HYDIN: variants seen among roughly 807,000 people sequenced by gnomAD.
HYDIN encodes the protein axonemal central pair apparatus protein HYDIN.
Under a neutral mutation model 403.9 loss-of-function variants are expected in HYDIN, and 132 were observed. That is an observed-to-expected ratio of 0.33 (90% CI 0.28 to 0.38). The LOEUF (loss-of-function observed/expected upper bound fraction) is 0.38. Among genes scored for constraint, HYDIN ranks in the 10% least tolerant of loss-of-function variants. HYDIN has a pLI of 1.00. For missense variants in HYDIN, 2,827 were observed against 5,009.5 expected (o/e 0.56, Z 13.15); for synonymous variants, 1,202 against 1,891.7 (o/e 0.64, Z 9.46).
At chr16:71,127,090 A>C (rs1007186284) in intron 9 of HYDIN, among the ~76,000 whole-genome samples, 3 of 152,172 alleles carry the variant, frequency 2.0e-5, no homozygotes, top group Non-Finnish European at 4.4e-5. Context: ...ATTTAACATA[A>C]ATAAAGAATT....
At position 70,882,789 on chromosome 16, in the gene HYDIN, G is replaced by C. The variant is rs201106783; in HGVS notation, c.10086C>G (p.Val3362=). 58 of 1,495,822 alleles carry C rather than the reference G, an allele frequency of 3.9e-5. No individual in the cohort carries two copies. The East Asian group carries it at 9.5e-4, about 24-fold the overall frequency. The allele number at this position is 1,495,822 out of a possible 1,614,324, so 92.7% of individuals were successfully genotyped here. The part of the protein sequence containing the change: ...LQTIESGGLF[V]EDENKFIFCN... Reference sequence around the variant, plus strand: ...AGAAGATGAACTTGTTCTCATCCTCGACGAACAGCCCCCCGCTCTCTATGG... The same window carrying C: ...AGAAGATGAACTTGTTCTCATCCTCCACGAACAGCCCCCCGCTCTCTATGG... The change falls in exon 60 of 86, where the codon GTC becomes GTG. Residue 3362 remains valine (V), a synonymous_variant. Coordinates refer to ENST00000393567, the MANE Select transcript of HYDIN (RefSeq NM_001270974.2).
intron 18 of HYDIN, among the ~76,000 whole-genome samples, chr16:71,040,349 G>A (rs1411539718): frequency 1.6e-4 from 24 of 147,392 alleles, no homozygotes. Flanking sequence ...ATCTTTCAGT[G>A]ATCTGATCCT....
intron 20 of HYDIN, among the ~76,000 whole-genome samples, chr16:71,025,737 A>G (rs2080668450): frequency 7.3e-6 from 1 of 136,614 alleles, no homozygotes; most frequent in South Asian, 2.5e-4. Flanking sequence ...TGGATTCTGT[A>G]TTTATTTCTG....
At chr16:70,991,622 C>T (rs182119703) in intron 24 of HYDIN, among the ~76,000 whole-genome samples, 47 of 151,392 alleles carry the variant, frequency 3.1e-4, no homozygotes, top group Admixed American at 9.9e-4. Flanking sequence ...CAATTTTTCA[C>T]GGGGCTCAAC....
intron 12 of HYDIN, among the ~76,000 whole-genome samples, chr16:71,086,615 G>C (rs1162383674): frequency 6.6e-6 from 1 of 152,066 alleles, no homozygotes; most frequent in Non-Finnish European, 1.5e-5. Flanking sequence ...TTTTAGAGCA[G>C]AGCTTAAAGG....
At chr16:71,151,628 C>T (rs576377383) in intron 7 of HYDIN, among the ~76,000 whole-genome samples, 3 of 151,798 alleles carry the variant, frequency 2.0e-5, no homozygotes, top group Admixed American at 6.6e-5. Context: ...ACTCTTTCCC[C>T]GGCTGTGCGC....
Position 70,978,964 on chromosome 16 carries a change from C to T in HYDIN, c.4588G>A (p.Asp1530Asn), listed in dbSNP as rs79049769. ...TCCTCAGTTATTATGTCAAAGTGATCGAGCATTTCACATTTGTTATACTCT... is the reference window on the plus strand; with the variant it reads ...TCCTCAGTTATTATGTCAAAGTGATTGAGCATTTCACATTTGTTATACTCT... ...DKEYNKCEML[D>N]HFDIITEEVP... is the part of the protein sequence containing the mutation. Residue 1530 changes from aspartate (D) to asparagine (N), a missense_variant, in exon 30 of 86, where the codon GAT becomes AAT. Physicochemically the swap from Asp to Asn is conservative, Grantham distance 23. Coordinates refer to ENST00000393567, the MANE Select transcript of HYDIN (RefSeq NM_001270974.2). 12 of 1,613,948 alleles carry T rather than the reference C, an allele frequency of 7.4e-6. No homozygotes were observed. The highest frequency in any genetic ancestry group is 5.0e-5 in the Admixed American group (3 of 60,012).
chr16:70,920,586 C>T lies in HYDIN; in HGVS notation c.7785+5G>A. The stretch of plus-strand genomic sequence containing the variant: ...GACTTCCCCACCCTGGAGGAGAGTC[C>T]ATACCTGCTCTCCTTTGGGAAGCTT... On this transcript the variant is annotated splice_donor_5th_base_variant and intron_variant, in intron 46 of 85. Coordinates refer to ENST00000393567, the MANE Select transcript of HYDIN (RefSeq NM_001270974.2). 2 of 1,603,720 alleles carry T rather than the reference C, an allele frequency of 1.2e-6. No homozygotes were observed. Among genetic ancestry groups the T allele is most frequent in the Non-Finnish European group, 1.7e-6 (2 of 1,172,854 alleles).
At chr16:70,946,107 G>C (rs2077851678) in intron 41 of HYDIN, among the ~76,000 whole-genome samples, 1 of 146,344 alleles carries the variant, frequency 6.8e-6, no homozygotes, top group South Asian at 2.3e-4. Context: ...CAGGAATTTA[G>C]CCATTGGATA....
At chr16:71,022,023 C>T (rs2080513941) in intron 21 of HYDIN, among the ~76,000 whole-genome samples, 1 of 151,592 alleles carries the variant, frequency 6.6e-6, no homozygotes. Flanking sequence ...GTTTCCCTCC[C>T]TCTAATATGG....
At chr16:70,951,668 T>C (rs2078079461) in intron 41 of HYDIN, among the ~76,000 whole-genome samples, 1 of 152,000 alleles carries the variant, frequency 6.6e-6, no homozygotes, top group Admixed American at 6.6e-5. Flanking sequence ...CATTCCCTCT[T>C]GAGTGGATCG....
At position 70,860,707 on chromosome 16, in the gene HYDIN, A is replaced by G. The variant is rs1474233931; in HGVS notation, c.11972T>C (p.Ile3991Thr). The change falls in exon 70 of 86, where the codon ATA becomes ACA. Residue 3991 changes from isoleucine (I) to threonine (T), a missense_variant. Physicochemically the swap from Ile to Thr is moderately conservative, Grantham distance 89. Coordinates refer to ENST00000393567, the MANE Select transcript of HYDIN (RefSeq NM_001270974.2). ...AACTCACCGGAGATTCTTCCCTCCTATGCCCACAGTGGTGAACTCAATCAC... is the reference window on the plus strand; with the variant it reads ...AACTCACCGGAGATTCTTCCCTCCTGTGCCCACAGTGGTGAACTCAATCAC... Reference protein sequence around the residue: ...TRVIEFTTVGIGGKNLRTFTI... With the variant: ...TRVIEFTTVGTGGKNLRTFTI... 1.8e-5 allele frequency: 10 copies of G among 545,450 alleles called. No individual in the cohort carries two copies. Among genetic ancestry groups the G allele is most frequent in the African/African-American group, 3.0e-5 (1 of 32,916 alleles). 33.8% of individuals were successfully genotyped at this position (545,450 alleles called of 1,614,324 possible).
At chr16:70,908,024 C>G (rs1365412569) in intron 49 of HYDIN, among the ~76,000 whole-genome samples, 2 of 152,104 alleles carry the variant, frequency 1.3e-5, no homozygotes, top group South Asian at 2.1e-4. Context: ...TTTTCCTCCC[C>G]CTTTGCACCT....
intron 67 of HYDIN, chr16:70,865,390 A>C (rs1315752675): frequency 2.4e-6 from 1 of 412,426 alleles, no homozygotes; most frequent in Non-Finnish European, 4.9e-6. Context: ...TCCTGTTTCT[A>C]TCTGTCCCCC....
At chr16:71,198,527 G>A (rs2087821265) in intron 1 of HYDIN, among the ~76,000 whole-genome samples, 1 of 152,152 alleles carries the variant, frequency 6.6e-6, no homozygotes, top group Non-Finnish European at 1.5e-5. Context: ...GAAAGGGAAT[G>A]GCTGGAACTG....
At chr16:70,894,621 G>A (rs1448318872) in intron 54 of HYDIN, 73 bp from the exon 55 acceptor site, 5 of 899,252 alleles carry the variant, frequency 5.6e-6, no homozygotes, top group African/African-American at 3.6e-5. Flanking sequence ...AGTGCCTGTT[G>A]AAATTCACAT....
At chr16:71,221,988 G>A (rs1036185403) in intron 1 of HYDIN, among the ~76,000 whole-genome samples, 3 of 152,270 alleles carry the variant, frequency 2.0e-5, no homozygotes, top group East Asian at 1.9e-4. Flanking sequence ...TAACTAATCT[G>A]GCTATTTTTG....
At chr16:70,859,363 C>G (rs946394381) in intron 71 of HYDIN, among the ~76,000 whole-genome samples, 1 of 152,142 alleles carries the variant, frequency 6.6e-6, no homozygotes, top group African/African-American at 2.4e-5. Context: ...GGTGAGTTGG[C>G]CCCCTTGGCC....
intron 58 of HYDIN, among the ~76,000 whole-genome samples, chr16:70,888,949 G>A (rs1263417441): frequency 1.3e-5 from 2 of 152,270 alleles, no homozygotes; most frequent in Non-Finnish European, 2.9e-5. Flanking sequence ...TCTTTCTAGG[G>A]GCAACCTAGA....
Sources: allele counts gnomAD v4.1 joint callset (sites outside exome capture counted in the v4.1 genomes callset), GRCh38; gene constraint gnomAD v4.1.1; transcripts MANE v1.5; gene names NCBI Gene and HGNC (gene_info 2026-07-23, HGNC 2026-07-21).